The following FRMD4A variants were observed in gnomAD, a reference collection of about 807,000 sequenced individuals.
The protein encoded by FRMD4A is FERM domain containing 4A, also known as FERM domain-containing protein 4A.
A neutral mutation model predicts 129.1 loss-of-function variants in FRMD4A; 29 were observed. The observed-to-expected ratio is 0.22, with a 90% CI of 0.17 to 0.31. The LOEUF is 0.31. FRMD4A is among the 10% of genes least tolerant of loss of function. The probability of loss-of-function intolerance (pLI) is 1.00; values close to 1 mark genes in which losing one functional copy is unlikely to be tolerated. For synonymous variants in FRMD4A, 634 were observed against 571.6 expected (o/e 1.11, Z -1.56); for missense variants, 1,272 against 1,375.8 (o/e 0.92, Z 1.19).
At chr10:14,174,879 C>CTGTG (rs56966643) in intron 2 of FRMD4A, among the ~76,000 whole-genome samples, 15,723 of 87,348 alleles carry the variant, frequency 0.18, 850 homozygotes, top group Non-Finnish European at 0.23. Context: ...GTGTGTGTGT[C>CTGTG]TGTGTGTGTG....
Position 13,914,726 on chromosome 10 carries a change from C to T in FRMD4A, c.46-55814G>A, listed in dbSNP as rs147664205. 7.2e-3 allele frequency among the ~76,000 whole-genome samples: 1,092 copies of T among 152,174 alleles called. 5 individuals are homozygous for T. The highest frequency in any genetic ancestry group is 0.011 in the Non-Finnish European group (737 of 68,018). ...ATTAAAAAAACAAAACCCATACAACCTGAATGTTACTGACAGCAACCTGAA... is the reference window on the plus strand; with the variant it reads ...ATTAAAAAAACAAAACCCATACAACTTGAATGTTACTGACAGCAACCTGAA... On this transcript the variant is annotated intron_variant, in intron 2 of 24. Transcript: ENST00000357447.
intron 2 of FRMD4A, among the ~76,000 whole-genome samples, chr10:14,069,716 T>A (rs1253276849): frequency 6.6e-6 from 1 of 152,220 alleles, no homozygotes; most frequent in Admixed American, 6.5e-5. Context: ...TACTATTATA[T>A]GATACTGTTA....
chr10:13,665,296 T>C (rs1294520199), intron 18 of FRMD4A, among the ~76,000 whole-genome samples: 1 of 152,090 alleles, frequency 6.6e-6, no homozygotes, highest in African/African-American at 2.4e-5. Flanking sequence ...TGAAACTCGG[T>C]ATCTATCAAG....
At chr10:13,747,527 C>CAAA (rs10689486) in intron 9 of FRMD4A, among the ~76,000 whole-genome samples, 80,947 of 144,142 alleles carry the variant, frequency 0.56, 23,197 homozygotes, top group Non-Finnish European at 0.6. Context: ...AGATCCGTCT[C>CAAA]AAAAAAAAAA....
intron 15 of FRMD4A, among the ~76,000 whole-genome samples, chr10:13,679,267 C>T (rs754181155): frequency 1.3e-4 from 19 of 146,888 alleles, no homozygotes; most frequent in African/African-American, 2.0e-4. Flanking sequence ...ACTAAAAATA[C>T]GAAAAAAAAA....
intron 3 of FRMD4A, among the ~76,000 whole-genome samples, chr10:13,843,198 A>T (rs1262656351): frequency 6.6e-6 from 1 of 152,120 alleles, no homozygotes; most frequent in Non-Finnish European, 1.5e-5. Flanking sequence ...TTCTGGCTTC[A>T]TCGCTGGGAC....
At chr10:13,858,083 A>G (rs558153896) in intron 3 of FRMD4A, among the ~76,000 whole-genome samples, 10 of 152,236 alleles carry the variant, frequency 6.6e-5, no homozygotes, top group South Asian at 4.1e-4. Flanking sequence ...CTTAGCACTT[A>G]GAAAGAGGAC....
At chr10:13,808,661 A>C (rs1444647693) in intron 4 of FRMD4A, among the ~76,000 whole-genome samples, 2 of 151,920 alleles carry the variant, frequency 1.3e-5, no homozygotes, top group African/African-American at 4.8e-5. Flanking sequence ...CCAGCTCTTC[A>C]CCTCCTCTGG....
intron 3 of FRMD4A, among the ~76,000 whole-genome samples, chr10:13,833,230 A>G (rs919072928): frequency 6.6e-6 from 1 of 152,194 alleles, no homozygotes; most frequent in African/African-American, 2.4e-5. Context: ...ACAGTTCCAT[A>G]TGGCTGGGGA....
intron 2 of FRMD4A, among the ~76,000 whole-genome samples, chr10:14,316,542 G>GAAA (rs1846749234): frequency 6.9e-6 from 1 of 144,024 alleles, no homozygotes; most frequent in Non-Finnish European, 1.5e-5. Flanking sequence ...AGAAGAAGAA[G>GAAA]AAACCAGGCT....
At chr10:13,974,785 C>G (rs1299943350) in intron 2 of FRMD4A, among the ~76,000 whole-genome samples, 1 of 152,196 alleles carries the variant, frequency 6.6e-6, no homozygotes. Flanking sequence ...CCTCGCTCTC[C>G]CAAAGTGCTG....
chr10:14,322,934 T>C (rs1244277084), intron 2 of FRMD4A, among the ~76,000 whole-genome samples: 1 of 152,242 alleles, frequency 6.6e-6, no homozygotes, highest in African/African-American at 2.4e-5. Context: ...TGCCCCATCA[T>C]GTGTAAAATG....
chr10:14,167,959 C>T (rs532846861), intron 2 of FRMD4A, among the ~76,000 whole-genome samples: 2 of 152,214 alleles, frequency 1.3e-5, no homozygotes, highest in Non-Finnish European at 2.9e-5. Context: ...CATCAGAGTC[C>T]TCCAGCCTTT....
At chr10:13,783,561 T>TGTAGA (rs2092787597) in intron 5 of FRMD4A, among the ~76,000 whole-genome samples, 1 of 151,970 alleles carries the variant, frequency 6.6e-6, no homozygotes. Flanking sequence ...TTTTTTTTTT[T>TGTAGA]TGTAGATACG....
At chr10:13,994,740 G>A (rs1178056386) in intron 2 of FRMD4A, among the ~76,000 whole-genome samples, 2 of 152,040 alleles carry the variant, frequency 1.3e-5, no homozygotes, top group South Asian at 2.1e-4. Flanking sequence ...TAAGAACAAC[G>A]CATACATACA....
rs192789207 is a variant in FRMD4A, at chr10:14,325,204, G to A, written c.45+4854C>T. Among the ~76,000 whole-genome samples the A allele has an allele frequency of 2.2e-3, 331 of 152,290 alleles. 1 individual carries two copies. Among genetic ancestry groups the A allele is most frequent in the African/African-American group, 7.7e-3 (319 of 41,564 alleles). The stretch of plus-strand genomic sequence containing the variant: ...ATGCTTTTTGACAGTTGGGATCTGC[G>A]GAAAAGCCATAGGCTTATTACAAAT... On this transcript the variant is annotated intron_variant, in intron 2 of 24. Coordinates refer to ENST00000357447, the MANE Select transcript of FRMD4A (RefSeq NM_018027.5).
At chr10:13,757,220 T>A (rs1333554407) in intron 8 of FRMD4A, among the ~76,000 whole-genome samples, 1 of 152,256 alleles carries the variant, frequency 6.6e-6, no homozygotes, top group Non-Finnish European at 1.5e-5. Context: ...TGAATTGTTT[T>A]TAAAGAGAAA....
At chr10:14,219,802 G>A (rs756480057) in intron 2 of FRMD4A, among the ~76,000 whole-genome samples, 18 of 152,100 alleles carry the variant, frequency 1.2e-4, no homozygotes, top group Non-Finnish European at 2.2e-4. Context: ...GTCTGCCGGC[G>A]GGGAGGAGAA....
At chr10:14,067,264 C>T (rs148372005) in intron 2 of FRMD4A, among the ~76,000 whole-genome samples, 3,242 of 151,332 alleles carry the variant, frequency 0.021, 34 homozygotes, top group African/African-American at 0.04. Context: ...TGCAGTGAGC[C>T]GAGACCATGC....
Sources: allele counts gnomAD v4.1 joint callset (sites outside exome capture counted in the v4.1 genomes callset), GRCh38; gene constraint gnomAD v4.1.1; transcripts MANE v1.5; gene names NCBI Gene and HGNC (gene_info 2026-07-23, HGNC 2026-07-21).